LASP1: variants seen among roughly 807,000 people sequenced by gnomAD.
The protein encoded by LASP1 is LIM and SH3 domain protein 1.
A neutral mutation model predicts 38.6 loss-of-function variants in LASP1; 10 were observed. The ratio of observed to expected loss-of-function variants is 0.26; its 90% CI spans 0.16 to 0.44. LASP1 has a LOEUF of 0.44. Ranked by LOEUF, LASP1 falls within the 20% of genes least tolerant of loss-of-function variation. LASP1 has a pLI of 1.00. For missense variants in LASP1, 243 were observed against 375.7 expected (o/e 0.65, Z 2.92); for synonymous variants, 132 against 140.8 (o/e 0.94, Z 0.44).
intron 3 of LASP1, among the ~76,000 whole-genome samples, chr17:38,893,540 G>A (rs961053282): frequency 2.0e-5 from 3 of 152,258 alleles, no homozygotes; most frequent in South Asian, 2.1e-4. Flanking sequence ...GGGGGTCCTC[G>A]GGGGTTGGGG....
chr17:38,921,318 A>G lies in LASP1; in HGVS notation c.*2540A>G, dbSNP rs1163422706. 2 of 231,488 alleles carry G rather than the reference A, an allele frequency of 8.6e-6. No individual in the cohort carries two copies. Among genetic ancestry groups the G allele is most frequent in the Non-Finnish European group, 1.7e-5 (2 of 116,762 alleles). The allele number at this position is 231,488 out of a possible 1,614,324, so 14.3% of individuals were successfully genotyped here. On this transcript the variant is annotated 3_prime_UTR_variant, in exon 7 of 7. Transcript: ENST00000318008. The stretch of plus-strand genomic sequence containing the variant: ...CTTTTGTGGACCAATACTAAGAATA[A>G]CAAGAAGCCCAGTGGTGAGGAAAGT...
intron 1 of LASP1, among the ~76,000 whole-genome samples, chr17:38,870,756 G>A (rs892234957): frequency 2.6e-4 from 39 of 152,310 alleles, no homozygotes; most frequent in Non-Finnish European, 2.6e-4. Context: ...CTGGCCTGGC[G>A]GGGCGGGGGC....
chr17:38,918,568 C>A lies in LASP1; in HGVS notation c.613-37C>A, dbSNP rs904410658. The stretch of plus-strand genomic sequence containing the variant: ...AAATGCTCAGACCCAGGTGAGCCGG[C>A]ATGCAGGGCCCTAGGCTGACCACAC... On this transcript the variant is annotated intron_variant, in intron 6 of 6. Coordinates refer to ENST00000318008, the MANE Select transcript of LASP1 (RefSeq NM_006148.4). This position sits in a 1 kb window ranked among gnomAD's most constrained non-coding sequence, Gnocchi z 4.4. 18 of 1,536,626 alleles carry A rather than the reference C, an allele frequency of 1.2e-5. No individual in the cohort carries two copies. The highest frequency in any genetic ancestry group is 1.6e-5 in the Non-Finnish European group (18 of 1,136,908).
At chr17:38,892,955 G>A (rs1308988005) in intron 3 of LASP1, among the ~76,000 whole-genome samples, 2 of 152,070 alleles carry the variant, frequency 1.3e-5, no homozygotes, top group African/African-American at 2.4e-5. Context: ...GTGTCCGTGT[G>A]TGTATGTGTG....
intron 4 of LASP1, among the ~76,000 whole-genome samples, chr17:38,911,942 C>T (rs1292338201): frequency 3.9e-5 from 6 of 152,160 alleles, no homozygotes; most frequent in Non-Finnish European, 8.8e-5. Context: ...TATAGGCGCC[C>T]GTCACCACAC....
intron 3 of LASP1, chr17:38,897,118 T>C (rs1598113424): frequency 1.0e-6 from 1 of 973,412 alleles, no homozygotes. Flanking sequence ...ATCCACTGCA[T>C]TCACTTCTGA....
At chr17:38,916,092 T>A (rs1915114390) in intron 6 of LASP1, 1 of 152,318 alleles carries the variant, frequency 6.6e-6, no homozygotes, top group South Asian at 2.1e-4. Flanking sequence ...CTGTCCTGGA[T>A]GTGTAGGGTC....
intron 4 of LASP1, among the ~76,000 whole-genome samples, chr17:38,910,695 G>T (rs1914912526): frequency 6.7e-6 from 1 of 149,992 alleles, no homozygotes; most frequent in African/African-American, 2.5e-5. Flanking sequence ...TTCTAACAAG[G>T]AGCCCAGTTG....
chr17:38,905,966 G>A (rs1019265480), intron 4 of LASP1, among the ~76,000 whole-genome samples: 3 of 152,110 alleles, frequency 2.0e-5, no homozygotes, highest in Non-Finnish European at 4.4e-5. Context: ...CGGCTGAGGT[G>A]GTAAGATTGC....
At chr17:38,889,072 C>CTAGG (rs1481114068) in intron 2 of LASP1, among the ~76,000 whole-genome samples, 1 of 152,212 alleles carries the variant, frequency 6.6e-6, no homozygotes, top group Non-Finnish European at 1.5e-5. Flanking sequence ...ATTCGGTGAA[C>CTAGG]TAGGGCACAT....
rs55952948 is a variant in LASP1, at chr17:38,879,161, C to CTTT, written c.164+995_164+997dup. On this transcript the variant is annotated intron_variant, in intron 2 of 6. Transcript: ENST00000318008. ...GATAATTTCTTTTTCTTTTAATTTG[C>CTTT]TTTTTTTTTTTTTTTTGAGTCAGAG... 4.3e-3 allele frequency among the ~76,000 whole-genome samples: 532 copies of CTTT among 123,670 alleles called. 42 individuals are homozygous for CTTT. In the South Asian group the frequency reaches 0.055, roughly 13 times the overall value. 81.1% of individuals were successfully genotyped at this position (123,670 alleles called of 152,430 possible).
chr17:38,879,333 T>G (rs1189009209), intron 2 of LASP1, among the ~76,000 whole-genome samples: 1 of 151,756 alleles, frequency 6.6e-6, no homozygotes, highest in Non-Finnish European at 1.5e-5. Context: ...TTTTTGTATT[T>G]TTTAGTAGAG....
At chr17:38,903,516 T>C (rs1914699473) in intron 4 of LASP1, among the ~76,000 whole-genome samples, 1 of 152,084 alleles carries the variant, frequency 6.6e-6, no homozygotes, top group African/African-American at 2.4e-5. Flanking sequence ...TATAGCACCA[T>C]GCCCAGCTAA....
At chr17:38,915,295 T>C (rs1915088297) in intron 6 of LASP1, 149 bp downstream of exon 6, 1 of 657,958 alleles carries the variant, frequency 1.5e-6, no homozygotes, top group South Asian at 2.0e-5. Flanking sequence ...GAGAGGAAAT[T>C]GGTTGGCGTA....
At chr17:38,911,706 C>T (rs1419095102) in intron 4 of LASP1, among the ~76,000 whole-genome samples, 1 of 152,170 alleles carries the variant, frequency 6.6e-6, no homozygotes, top group African/African-American at 2.4e-5. Flanking sequence ...AGGGCTGGCT[C>T]CCTCCCCCAT....
At chr17:38,898,388 A>G (rs1178093277) in intron 3 of LASP1, 24 bp from the exon 4 acceptor site, 2 of 1,525,690 alleles carry the variant, frequency 1.3e-6, no homozygotes, top group Admixed American at 4.0e-5. Context: ...CCTGACTCCA[A>G]TCCCTCTTCC....
Position 38,921,522 on chromosome 17 carries a change from ACGT to A in LASP1, c.*2745_*2747del, listed in dbSNP as rs1915298531. 1.3e-5 allele frequency: 3 copies of A among 232,966 alleles called. No individual in the cohort carries two copies. In the East Asian group the frequency reaches 1.8e-4, roughly 14 times the overall value. 14.4% of individuals were successfully genotyped at this position (232,966 alleles called of 1,614,324 possible). A position where few individuals can be genotyped will look rare whatever the true frequency, so the allele number is the denominator to read the frequency against. On this transcript the variant is annotated 3_prime_UTR_variant, in exon 7 of 7. Coordinates refer to ENST00000318008, the MANE Select transcript of LASP1 (RefSeq NM_006148.4). ...TATTTAAAAAGAAACAGAAATGACCACGTGAAATTTGCCTCTGTCCAAACATTT... is the reference window on the plus strand; with the variant it reads ...TATTTAAAAAGAAACAGAAATGACCAGAAATTTGCCTCTGTCCAAACATTT...
intron 3 of LASP1, among the ~76,000 whole-genome samples, chr17:38,892,863 A>G (rs3785462): frequency 0.51 from 77,931 of 152,008 alleles, 20,224 homozygotes; most frequent in Middle Eastern, 0.61. Context: ...CCAGGGTCAT[A>G]GCCTGCTGGG....
At position 38,870,086 on chromosome 17, in the gene LASP1, C is replaced by T; in HGVS notation, c.-104C>T. 2 of 1,265,418 alleles carry T rather than the reference C, an allele frequency of 1.6e-6. No homozygotes were observed. The highest frequency in any genetic ancestry group is 1.5e-5 in the African/African-American group (1 of 67,894). The allele number at this position is 1,265,418 out of a possible 1,614,324, so 78.4% of individuals were successfully genotyped here. On this transcript the variant is annotated 5_prime_UTR_variant, in exon 1 of 7. Coordinates refer to ENST00000318008, the MANE Select transcript of LASP1 (RefSeq NM_006148.4). ...AGTTCCCCAGCTCCAGCCGCCGTCG[C>T]TGCTGCCTGTGTAGTTGCAGCCGCG...
Sources: allele counts gnomAD v4.1 joint callset (sites outside exome capture counted in the v4.1 genomes callset), GRCh38; gene constraint gnomAD v4.1.1; non-coding constraint Gnocchi (gnomAD v3.1); transcripts MANE v1.5; gene names NCBI Gene and HGNC (gene_info 2026-07-23, HGNC 2026-07-21).